KCNQ1: variants seen among roughly 807,000 people sequenced by gnomAD.
The protein encoded by KCNQ1 is potassium voltage-gated channel subfamily Q member 1, also known as potassium voltage-gated channel subfamily KQT member 1.
KCNQ1 carries 49 observed loss-of-function variants against 72.4 expected under a neutral mutation model. The ratio of observed to expected loss-of-function variants is 0.68; its 90% CI spans 0.54 to 0.86. KCNQ1 has a LOEUF of 0.86. Among genes scored for constraint, KCNQ1 ranks in the 40% least tolerant of loss-of-function variants. The pLI is 0.00. For synonymous variants in KCNQ1, 450 were observed against 412.6 expected, an observed-to-expected ratio of 1.09 and a Z score of -1.10; for missense variants, 790 against 945.1, an observed-to-expected ratio of 0.84 and a Z score of 2.15.
At position 2,663,061 on chromosome 11, in the gene KCNQ1, C is replaced by T. The variant is rs914335790; in HGVS notation, c.1514+980C>T. 2 of 398,610 alleles carry T rather than the reference C, an allele frequency of 5.0e-6. No individual in the cohort carries two copies. Among genetic ancestry groups the T allele is most frequent in the Non-Finnish European group, 8.8e-6 (2 of 226,080 alleles). The allele number at this position is 398,610 out of a possible 1,614,324, so 24.7% of individuals were successfully genotyped here. A position where few individuals can be genotyped will look rare whatever the true frequency, so the allele number is the denominator to read the frequency against. The stretch of plus-strand genomic sequence containing the variant: ...GCTGCAGGTGTAACCAGAGAACTGG[C>T]AGGGTTGGGTAGCCAGAATGAGGCC... On this transcript the variant is annotated intron_variant, in intron 11 of 15. Transcript: ENST00000155840. The surrounding 1 kb of genome is among the most constrained non-coding windows in gnomAD (Gnocchi z 5.2).
intron 10 of KCNQ1, chr11:2,639,429 C>T (rs1394421323): frequency 6.6e-6 from 1 of 152,234 alleles, no homozygotes; most frequent in Non-Finnish European, 1.5e-5. Flanking sequence ...TTCCTTCTAA[C>T]AGTCAGGACC....
intron 10 of KCNQ1, chr11:2,610,630 G>C: frequency 2.5e-6 from 1 of 394,958 alleles, no homozygotes. Flanking sequence ...CTGCTAACAA[G>C]GAATTCTGTT....
chr11:2,840,030 C>A (rs773145824), intron 15 of KCNQ1: 4 of 152,108 alleles, frequency 2.6e-5, no homozygotes, highest in Non-Finnish European at 4.4e-5. Flanking sequence ...GGCACCGACC[C>A]CCGAACTGCC....
chr11:2,491,785 G>A lies in KCNQ1; in HGVS notation c.387-36143G>A, dbSNP rs1846839452. ...TACCTCAAGGTATTTAATAGTCAAA[G>A]TTCCAAAGGTCAAGGATAAAGAAAG... On this transcript the variant is annotated intron_variant, in intron 1 of 15. Transcript: ENST00000155840. This position sits in a 1 kb window ranked among gnomAD's most constrained non-coding sequence, Gnocchi z 4.1. Among the ~76,000 whole-genome samples, 1 of 151,970 alleles carries A rather than the reference G, an allele frequency of 6.6e-6. No homozygotes were observed. Among genetic ancestry groups the A allele is most frequent in the African/African-American group, 2.4e-5 (1 of 41,380 alleles).
chr11:2,756,441 T>TAAAAAAA (rs59499292), intron 11 of KCNQ1, among the ~76,000 whole-genome samples: 1 of 137,246 alleles, frequency 7.3e-6, no homozygotes, highest in Non-Finnish European at 1.6e-5. Context: ...TTACTAAAAT[T>TAAAAAAA]AAAAAAAAAA....
chr11:2,587,499 G>T, intron 8 of KCNQ1, 71 bp from the exon 9 acceptor site: 3 of 1,604,028 alleles, frequency 1.9e-6, no homozygotes, highest in Non-Finnish European at 2.6e-6. Flanking sequence ...GGGAGGGGGA[G>T]CTGTAGCTTC....
chr11:2,677,969 A>G lies in KCNQ1; in HGVS notation c.1514+15888A>G, dbSNP rs1850322826. Reference sequence around the variant, plus strand: ...ATGGTACACTGGAGCTTTAATTTACATTTCTTTTGTTGGAAATGAGGTTTT... The same window carrying G: ...ATGGTACACTGGAGCTTTAATTTACGTTTCTTTTGTTGGAAATGAGGTTTT... On this transcript the variant is annotated intron_variant, in intron 11 of 15. Coordinates refer to ENST00000155840, the MANE Select transcript of KCNQ1 (RefSeq NM_000218.3). The surrounding 1 kb of genome is among the most constrained non-coding windows in gnomAD (Gnocchi z 4.5). 2.5e-6 allele frequency: 1 copy of G among 398,404 alleles called. No homozygotes were observed. The highest frequency in any genetic ancestry group is 4.4e-6 in the Non-Finnish European group (1 of 226,030). 24.7% of individuals were successfully genotyped at this position (398,404 alleles called of 1,614,324 possible).
chr11:2,461,323 C>A, intron 1 of KCNQ1: 1 of 901,596 alleles, frequency 1.1e-6, no homozygotes, highest in Non-Finnish European at 1.5e-6. Context: ...GATTTGTAGT[C>A]TGGTTGCTGT....
intron 11 of KCNQ1, among the ~76,000 whole-genome samples, chr11:2,749,520 C>A (rs1256607403): frequency 7.0e-6 from 1 of 143,456 alleles, no homozygotes; most frequent in Non-Finnish European, 1.5e-5. Flanking sequence ...TTAAAAGCAC[C>A]GAGGCTTGGC....
At position 2,700,179 on chromosome 11, in the gene KCNQ1, C is replaced by T. The variant is rs752309203; in HGVS notation, c.1514+38098C>T. On this transcript the variant is annotated intron_variant, in intron 11 of 15. Transcript: ENST00000155840. ...GAAAGAGTCTCGTTTTGATGCCACC[C>T]GGGCTCAGATTGGCCCAGCGGGTCC... Among the ~76,000 whole-genome samples, 6 of 152,194 alleles carry T rather than the reference C, an allele frequency of 3.9e-5. 1 individual carries two copies. In the South Asian group the frequency reaches 6.2e-4, roughly 16 times the overall value.
chr11:2,775,341 C>T (rs1303877538), intron 12 of KCNQ1, among the ~76,000 whole-genome samples: 1 of 152,218 alleles, frequency 6.6e-6, no homozygotes, highest in Non-Finnish European at 1.5e-5. Context: ...CCTGCCCTGC[C>T]TCACATGGCC....
chr11:2,563,282 G>A lies in KCNQ1; in HGVS notation c.478-7346G>A, dbSNP rs556231886. ...ACCTTCAGCCTTCTCGGAGAACACC[G>A]GTTCCACGGCCGGTTGCAACACGTT... On this transcript the variant is annotated intron_variant, in intron 2 of 15. Transcript: ENST00000155840. This position sits in a 1 kb window ranked among gnomAD's most constrained non-coding sequence, Gnocchi z 7.4. Among the ~76,000 whole-genome samples, 7 of 152,294 alleles carry A rather than the reference G, an allele frequency of 4.6e-5. No homozygotes were observed. Among genetic ancestry groups the A allele is most frequent in the Middle Eastern group, 3.4e-3 (1 of 294 alleles).
chr11:2,682,282 T>TA lies in KCNQ1; in HGVS notation c.1514+20207dup, dbSNP rs1432811485. ...ATTTCTAAAGCTTAAGACTGGGCTG[T>TA]AAAAAATCACATACCTCCCCTCCCA... is the stretch of plus-strand genomic sequence containing the variant. On this transcript the variant is annotated intron_variant, in intron 11 of 15. Transcript: ENST00000155840. The surrounding 1 kb of genome is among the most constrained non-coding windows in gnomAD (Gnocchi z 5.8). The TA allele has an allele frequency of 7.5e-6, 3 of 398,608 alleles. No homozygotes were observed. The highest frequency in any genetic ancestry group is 2.5e-4 in the South Asian group (2 of 7,856). The allele number at this position is 398,608 out of a possible 1,614,324, so 24.7% of individuals were successfully genotyped here.
In KCNQ1 at chr11:2,799,634, G is replaced by A. The variant is rs113382184; in HGVS notation, c.1794+21597G>A. Among the ~76,000 whole-genome samples the A allele has an allele frequency of 3.0e-3, 449 of 152,198 alleles. 1 individual carries two copies. Among genetic ancestry groups the A allele is most frequent in the African/African-American group, 1.0e-2 (414 of 41,522 alleles). On this transcript the variant is annotated intron_variant, in intron 15 of 15. Transcript: ENST00000155840. Reference sequence around the variant, plus strand: ...GCCAAAGGGAAGTTCCAAGGGGCTCGTGCACTCGGTGTCCAGGGAGCAGCA... The same window carrying A: ...GCCAAAGGGAAGTTCCAAGGGGCTCATGCACTCGGTGTCCAGGGAGCAGCA...
intron 15 of KCNQ1, among the ~76,000 whole-genome samples, chr11:2,823,271 G>C (rs1416939180): frequency 6.6e-6 from 1 of 152,164 alleles, no homozygotes; most frequent in Non-Finnish European, 1.5e-5. Flanking sequence ...TTTATGAAGA[G>C]AGATGCCTTC....
At chr11:2,774,320 T>C (rs1846654124) in intron 12 of KCNQ1, among the ~76,000 whole-genome samples, 1 of 152,216 alleles carries the variant, frequency 6.6e-6, no homozygotes, top group African/African-American at 2.4e-5. Context: ...TGGTGTGTCA[T>C]TTCTGGGCAA....
intron 11 of KCNQ1, chr11:2,681,765 C>T (rs919102904): frequency 5.0e-6 from 2 of 398,368 alleles, no homozygotes; most frequent in African/African-American, 4.1e-5. Flanking sequence ...TGTGGGGGCC[C>T]TGGGACCTGG....
rs757288607 is a variant in KCNQ1, at chr11:2,538,611, G to A, written c.477+10593G>A. ...AAAGTGGGAATCCTGGGCTGGAACC[G>A]GAACGTTCCCCGAGTACATAGGAAT... On this transcript the variant is annotated intron_variant, in intron 2 of 15. Transcript: ENST00000155840. This position sits in a 1 kb window ranked among gnomAD's most constrained non-coding sequence, Gnocchi z 6.7. Among the ~76,000 whole-genome samples, 28 of 151,458 alleles carry A rather than the reference G, an allele frequency of 1.8e-4. No homozygotes were observed. Among genetic ancestry groups the A allele is most frequent in the African/African-American group, 6.3e-4 (26 of 41,216 alleles).
chr11:2,590,724 G>A (rs1334551216), intron 10 of KCNQ1, among the ~76,000 whole-genome samples: 9 of 152,208 alleles, frequency 5.9e-5, no homozygotes, highest in African/African-American at 2.2e-4. Flanking sequence ...CCTCTAAGGA[G>A]GCTTGACCCC....
Sources: gnomAD v4.1 joint callset for allele counts (sites outside exome capture counted in the v4.1 genomes callset) on GRCh38, gnomAD v4.1.1 for gene constraint, Gnocchi (gnomAD v3.1) non-coding constraint, MANE v1.5 for transcripts, NCBI Gene and HGNC (gene_info 2026-07-23, HGNC 2026-07-21) for gene names.